FAM20B: variants seen among roughly 807,000 people sequenced by gnomAD.
FAM20B encodes the protein glycosaminoglycan xylosylkinase.
In FAM20B, 23 loss-of-function variants were observed where a neutral mutation model predicts 43.8. The observed-to-expected ratio is 0.53, with a 90% CI of 0.38 to 0.74. FAM20B has a LOEUF of 0.74. Among genes scored for constraint, FAM20B ranks in the 30% least tolerant of loss-of-function variants. The probability of loss-of-function intolerance (pLI) is 0.00; values close to 1 mark genes in which losing one functional copy is unlikely to be tolerated. For missense variants in FAM20B, 440 were observed against 510.5 expected (o/e 0.86, Z 1.33); for synonymous variants, 178 against 192.4 (o/e 0.93, Z 0.62).
At chr1:179,059,511 C>T (rs1261837959) in intron 4 of FAM20B, among the ~76,000 whole-genome samples, 1 of 152,154 alleles carries the variant, frequency 6.6e-6, no homozygotes, top group African/African-American at 2.4e-5. Context: ...AACCTGACCT[C>T]AGACCCCACA....
In FAM20B at chr1:179,073,131, A is replaced by G. The variant is rs970783944; in HGVS notation, c.*987A>G. 6.6e-6 allele frequency: 1 copy of G among 152,116 alleles called. No individual in the cohort carries two copies. The highest frequency in any genetic ancestry group is 1.5e-5 in the Non-Finnish European group (1 of 68,028). The allele number at this position is 152,116 out of a possible 1,614,324, so 9.4% of individuals were successfully genotyped here. Reference sequence around the variant, plus strand: ...GAATTTCCACCTCTGCCTTTAAGGCATTTTTGTCACTGAAGCTGCTGTTCC... The same window carrying G: ...GAATTTCCACCTCTGCCTTTAAGGCGTTTTTGTCACTGAAGCTGCTGTTCC... On this transcript the variant is annotated 3_prime_UTR_variant, in exon 8 of 8. Coordinates refer to ENST00000263733, the MANE Select transcript of FAM20B (RefSeq NM_014864.4).
intron 1 of FAM20B, among the ~76,000 whole-genome samples, chr1:179,033,924 C>T (rs1318218158): frequency 2.6e-5 from 4 of 152,176 alleles, no homozygotes; most frequent in African/African-American, 7.2e-5. Flanking sequence ...AACTCCCTAC[C>T]TTGGGTGATC....
intron 1 of FAM20B, among the ~76,000 whole-genome samples, chr1:179,040,860 G>C (rs1323082756): frequency 1.3e-5 from 2 of 151,858 alleles, no homozygotes; most frequent in Admixed American, 6.5e-5. Flanking sequence ...TTCTCAGACA[G>C]GGCGGTTGCC....
Position 179,044,023 on chromosome 1 carries a change from C to A in FAM20B, c.176C>A (p.Thr59Asn), listed in dbSNP as rs754757784. 1.9e-6 allele frequency: 3 copies of A among 1,614,180 alleles called. No homozygotes were observed. Among genetic ancestry groups the A allele is most frequent in the African/African-American group, 1.3e-5 (1 of 75,034 alleles). The change falls in exon 2 of 8, where the codon ACC becomes AAC. Residue 59 changes from threonine to asparagine, a missense_variant. Transcript: ENST00000263733. Reference sequence around the variant, plus strand: ...GAGCTGGCACCCAAGCTGGACCATACCTTGCAGTCTCCCTGGGAGATTGCA... The same window carrying A: ...GAGCTGGCACCCAAGCTGGACCATAACTTGCAGTCTCCCTGGGAGATTGCA... The part of the protein sequence containing the change: ...RVELAPKLDH[T>N]LQSPWEIAAQ...
chr1:179,071,621 CTA>C (rs1415861662), intron 7 of FAM20B, among the ~76,000 whole-genome samples: 1 of 152,148 alleles, frequency 6.6e-6, no homozygotes, highest in African/African-American at 2.4e-5. Context: ...CATAATTTAA[CTA>C]TTTCCCAGTC....
rs573511146 is a variant in FAM20B, at chr1:179,041,591, G to A, written c.-133-2124G>A. Among the ~76,000 whole-genome samples the A allele has an allele frequency of 5.2e-5, 7 of 134,876 alleles. No homozygotes were observed. The South Asian group carries it at 7.3e-4, about 14-fold the overall frequency. The allele number at this position is 134,876 out of a possible 152,430, so 88.5% of individuals were successfully genotyped here. ...GATGGCAGCAGTACAGTCCAGCTTC[G>A]GCTCGGCATCAGAGGGAGACCGTGG... On this transcript the variant is annotated intron_variant, in intron 1 of 7. Transcript: ENST00000263733.
upstream of FAM20B, among the ~76,000 whole-genome samples, chr1:179,021,120 C>T (rs1202165738): frequency 6.6e-6 from 1 of 152,150 alleles, no homozygotes; most frequent in African/African-American, 2.4e-5. Flanking sequence ...TGTCCTCTAG[C>T]ACATCCCTCG....
chr1:179,021,407 G>A (rs747541458), upstream of FAM20B, among the ~76,000 whole-genome samples: 11 of 152,156 alleles, frequency 7.2e-5, no homozygotes, highest in Admixed American at 6.5e-4. Flanking sequence ...TTAGCAATCT[G>A]GAATTTGCAA....
At chr1:179,031,229 ATGG>A (rs1486282289) in intron 1 of FAM20B, among the ~76,000 whole-genome samples, 2 of 152,216 alleles carry the variant, frequency 1.3e-5, no homozygotes, top group Non-Finnish European at 2.9e-5. Context: ...CTAGCCTTAA[ATGG>A]TGGTTCTGTA....
intron 3 of FAM20B, among the ~76,000 whole-genome samples, chr1:179,053,626 G>C (rs1040342199): frequency 2.0e-5 from 3 of 152,120 alleles, no homozygotes; most frequent in Non-Finnish European, 2.9e-5. Context: ...CAAATCTGTT[G>C]ATCTTGCCTT....
At chr1:179,065,557 G>C (rs1651655973) in intron 6 of FAM20B, among the ~76,000 whole-genome samples, 1 of 152,206 alleles carries the variant, frequency 6.6e-6, no homozygotes, top group South Asian at 2.1e-4. Context: ...CCTCAGCAAA[G>C]AGTGCTTGGG....
chr1:179,019,526 G>A, the FAM20B span, among the ~76,000 whole-genome samples: 14 of 150,232 alleles, frequency 9.3e-5, no homozygotes, highest in African/African-American at 3.4e-4. Context: ...GCAATGGCAC[G>A]ATCTTGGCTC....
At chr1:179,066,487 A>C (rs946745057) in intron 6 of FAM20B, among the ~76,000 whole-genome samples, 14 of 152,178 alleles carry the variant, frequency 9.2e-5, no homozygotes, top group Admixed American at 8.5e-4. Context: ...AGGGGTCTTC[A>C]AGTTCTCCCT....
At chr1:179,023,475 G>T (rs949609992), upstream of FAM20B, among the ~76,000 whole-genome samples, 24 of 152,192 alleles carry the variant, frequency 1.6e-4, no homozygotes, top group African/African-American at 5.8e-4. Context: ...TTGACAAAGT[G>T]CTCAGACCTC....
rs770023194 is a variant in FAM20B at position 179,064,045 on chromosome 1, G to T, written c.693G>T (p.Leu231=). The change falls in exon 5 of 8, where the codon CTG becomes CTT. Residue 231 remains leucine, a synonymous_variant. Transcript: ENST00000263733. Reference sequence around the variant, plus strand: ...TTTGGCTTCCAGATGTGTGGCCTCTGCAGAAGCACCGTCACCCATGGGGCA... The same window carrying T: ...TTTGGCTTCCAGATGTGTGGCCTCTTCAGAAGCACCGTCACCCATGGGGCA... The part of the protein sequence containing the change: ...VTLWLPDVWP[L]QKHRHPWGRT... 1.4e-5 allele frequency: 23 copies of T among 1,614,070 alleles called. No individual in the cohort carries two copies. The highest frequency in any genetic ancestry group is 1.9e-5 in the Non-Finnish European group (23 of 1,179,968).
rs1008173306 is a variant in FAM20B at position 179,076,007 on chromosome 1, C to T, written c.*3863C>T. ...CGTATATGTATTCTAGCAAGAAAAA[C>T]ATATTTATTTTGACAAAGGGGAACA... On this transcript the variant is annotated 3_prime_UTR_variant, in exon 8 of 8. Transcript: ENST00000263733. 1 of 152,104 alleles carries T rather than the reference C, an allele frequency of 6.6e-6. No individual in the cohort carries two copies. The highest frequency in any genetic ancestry group is 2.4e-5 in the African/African-American group (1 of 41,414). The allele number at this position is 152,104 out of a possible 1,614,324, so 9.4% of individuals were successfully genotyped here.
At chr1:179,050,212 C>A in intron 2 of FAM20B, 67 bp from the exon 3 acceptor site, 4 of 1,106,136 alleles carry the variant, frequency 3.6e-6, no homozygotes, top group Non-Finnish European at 5.6e-6. Flanking sequence ...TGTATTCTAC[C>A]ACTTGTGCTG....
At chr1:179,061,073 C>T (rs1013849789) in intron 4 of FAM20B, among the ~76,000 whole-genome samples, 9 of 128,294 alleles carry the variant, frequency 7.0e-5, no homozygotes, top group African/African-American at 2.8e-4. Context: ...TACTCTTTGT[C>T]GAATTTTTTT....
chr1:179,026,107 C>CGCGGGG lies in FAM20B; in HGVS notation c.-134+17_-134+22dup, dbSNP rs1649756774. The CGCGGGG allele has an allele frequency of 1.5e-5, 2 of 131,398 alleles. No individual in the cohort carries two copies. The highest frequency in any genetic ancestry group is 2.8e-5 in the African/African-American group (1 of 35,330). 8.1% of individuals were successfully genotyped at this position (131,398 alleles called of 1,614,324 possible). On this transcript the variant is annotated intron_variant, in intron 1 of 7. Coordinates refer to ENST00000263733, the MANE Select transcript of FAM20B (RefSeq NM_014864.4). The stretch of plus-strand genomic sequence containing the variant: ...AGCCTAGGGCCCGACAGGTGAGTGG[C>CGCGGGG]GCGGGGGCGGGGGAGGGCGCGCGAC...
Sources: gnomAD v4.1 joint callset for allele counts (sites outside exome capture counted in the v4.1 genomes callset) on GRCh38, gnomAD v4.1.1 for gene constraint, MANE v1.5 for transcripts, NCBI Gene and HGNC (gene_info 2026-07-23, HGNC 2026-07-21) for gene names.